The following TSEN2 variants were observed in gnomAD, a reference collection of about 807,000 sequenced individuals.
TSEN2 encodes tRNA-splicing endonuclease subunit Sen2.
In TSEN2, 54 loss-of-function variants were observed where a neutral mutation model predicts 59.2. That is an observed-to-expected ratio of 0.91 (90% CI 0.73 to 1.14). The LOEUF is 1.14. TSEN2 is among the 50% of genes most tolerant of loss of function. The probability of loss-of-function intolerance (pLI) is 0.00; values close to 1 mark genes in which losing one functional copy is unlikely to be tolerated. For synonymous variants in TSEN2, 195 were observed against 198.2 expected, an observed-to-expected ratio of 0.98 and a Z score of 0.14; for missense variants, 636 against 576.2, an observed-to-expected ratio of 1.10 and a Z score of -1.06.
chr3:12,522,363 A>ATGTACAATTAATACATTAAT (rs568324614), intron 8 of TSEN2, among the ~76,000 whole-genome samples: 189 of 152,318 alleles, frequency 1.2e-3, no homozygotes, highest in African/African-American at 3.2e-3. Context: ...CTAGAAACAG[A>ATGTACAATTAATACATTAAT]TGTACAATTA....
downstream of TSEN2, among the ~76,000 whole-genome samples, chr3:12,538,019 T>G (rs2057717770): frequency 6.6e-6 from 1 of 152,206 alleles, no homozygotes. Flanking sequence ...CATGGAATAC[T>G]AGTCATAGTT....
At chr3:12,538,477 A>C (rs1326048050), downstream of TSEN2, among the ~76,000 whole-genome samples, 1 of 151,746 alleles carries the variant, frequency 6.6e-6, no homozygotes, top group Non-Finnish European at 1.5e-5. Flanking sequence ...GGCTGATCTG[A>C]AGTTTCATTT....
rs976402980 is a variant in TSEN2 at position 12,503,717 on chromosome 3, A to T, written c.764A>T (p.His255Leu). The T allele has an allele frequency of 1.9e-6, 3 of 1,613,886 alleles. No homozygotes were observed. In the Admixed American group the frequency reaches 5.0e-5, roughly 27 times the overall value. The change falls in exon 5 of 12, where the codon CAT becomes CTT. Residue 255 changes from histidine to leucine, a missense_variant. His to Leu is a moderately conservative substitution (Grantham distance 99, BLOSUM62 -3). Transcript: ENST00000284995. ...CATCCTGGGGACAGAGGGCCTGACC[A>T]TGAGTACGTGCTGGTCGAGGAAGCG... ...LLHPGDRGPD[H>L]EYVLVEEAEC...
intron 2 of TSEN2, among the ~76,000 whole-genome samples, chr3:12,490,396 C>T (rs968076991): frequency 1.2e-4 from 19 of 152,202 alleles, no homozygotes; most frequent in African/African-American, 4.6e-4. Context: ...GCATAGTGTC[C>T]CTACTCAGGC....
chr3:12,490,738 C>G (rs1412966665), intron 2 of TSEN2, among the ~76,000 whole-genome samples: 1 of 151,842 alleles, frequency 6.6e-6, no homozygotes, highest in Non-Finnish European at 1.5e-5. Flanking sequence ...TTCCCTTGTG[C>G]CCATCACACT....
exon 11 of TSEN2, chr3:12,539,280 C>A: frequency 2.8e-6 from 1 of 357,696 alleles, no homozygotes; most frequent in Non-Finnish European, 5.3e-6. Context: ...ATTACAGGCA[C>A]GCACCACCAC....
At chr3:12,503,143 A>G in intron 4 of TSEN2, 119 bp from the exon 5 acceptor site, 2 of 1,065,274 alleles carry the variant, frequency 1.9e-6, no homozygotes, top group Non-Finnish European at 2.9e-6. Flanking sequence ...ATAATGCACC[A>G]TTCAATAATA....
intron 11 of TSEN2, 137 bp downstream of exon 11, chr3:12,531,796 C>A: frequency 1.5e-6 from 1 of 686,990 alleles, no homozygotes; most frequent in South Asian, 1.6e-5. Context: ...GCTCTTAAGT[C>A]TCTCACCTTT....
intron 6 of TSEN2, among the ~76,000 whole-genome samples, chr3:12,510,170 A>T (rs918827096): frequency 6.6e-6 from 1 of 152,182 alleles, no homozygotes; most frequent in Admixed American, 6.5e-5. Context: ...TCTAGACTGG[A>T]GGCAGTGTGG....
At chr3:12,506,270 C>G (rs1305198238) in intron 6 of TSEN2, among the ~76,000 whole-genome samples, 5 of 152,066 alleles carry the variant, frequency 3.3e-5, no homozygotes, top group Non-Finnish European at 5.9e-5. Flanking sequence ...TCTGCAGGAT[C>G]CCTCTACTTA....
intron 8 of TSEN2, among the ~76,000 whole-genome samples, chr3:12,522,617 A>G (rs1575430589): frequency 6.6e-6 from 1 of 152,364 alleles, no homozygotes; most frequent in Non-Finnish European, 1.5e-5. Context: ...ACCTAGTCAC[A>G]TGAAGCCTAG....
At chr3:12,489,578 G>A (rs973300856) in intron 1 of TSEN2, among the ~76,000 whole-genome samples, 11 of 152,022 alleles carry the variant, frequency 7.2e-5, no homozygotes, top group Non-Finnish European at 1.3e-4. Context: ...TTTATTGTGG[G>A]GATTAATTGC....
chr3:12,480,453 A>G (rs564290302), upstream of TSEN2, among the ~76,000 whole-genome samples: 91 of 150,790 alleles, frequency 6.0e-4, no homozygotes, highest in African/African-American at 2.1e-3. Context: ...CTGACCTCCA[A>G]CCGACACTTA....
intron 8 of TSEN2, among the ~76,000 whole-genome samples, chr3:12,527,150 C>T (rs141886605): frequency 6.6e-6 from 1 of 152,324 alleles, no homozygotes; most frequent in Non-Finnish European, 1.5e-5. Flanking sequence ...TGGATATTTA[C>T]TTACATTTGT....
chr3:12,523,266 C>G (rs1306957406), intron 8 of TSEN2, among the ~76,000 whole-genome samples: 3 of 152,148 alleles, frequency 2.0e-5, no homozygotes, highest in Admixed American at 6.5e-5. Flanking sequence ...CCAGCCAACC[C>G]TAGTTAGGGA....
chr3:12,531,647 G>A lies in TSEN2; in HGVS notation c.1326G>A (p.Arg442=). The change falls in exon 11 of 12, where the codon AGG becomes AGA. Residue 442 remains arginine, a synonymous_variant. Coordinates refer to ENST00000284995, the MANE Select transcript of TSEN2 (RefSeq NM_025265.4). ...KEMESPECMK[R]IKVQEVILSR... ...TGGAGTCACCAGAATGTATGAAAAG[G>A]ATTAAAGTTCAGGTGGGTAAACTCA... 1.2e-6 allele frequency: 2 copies of A among 1,608,764 alleles called. No homozygotes were observed. Among genetic ancestry groups the A allele is most frequent in the Non-Finnish European group, 1.7e-6 (2 of 1,175,104 alleles).
At chr3:12,516,446 A>ATGTGTGTG (rs68107346) in intron 6 of TSEN2, among the ~76,000 whole-genome samples, 165 bp from the exon 7 acceptor site, 1 of 126,470 alleles carries the variant, frequency 7.9e-6, no homozygotes, top group East Asian at 2.1e-4. Flanking sequence ...AACAAAATAT[A>ATGTGTGTG]TGTGTGTGTG....
At chr3:12,535,150 A>G (rs369449809), downstream of TSEN2, among the ~76,000 whole-genome samples, 1 of 152,158 alleles carries the variant, frequency 6.6e-6, no homozygotes, top group Non-Finnish European at 1.5e-5. Context: ...ACCCTTGTGG[A>G]GAATTACTTG....
At chr3:12,531,417 T>C (rs1346687039) in intron 10 of TSEN2, 153 bp from the exon 11 acceptor site, 4 of 620,752 alleles carry the variant, frequency 6.4e-6, no homozygotes, top group Admixed American at 5.5e-5. Flanking sequence ...ATCCCAGTTA[T>C]GGTTTCCCCA....
Sources: gnomAD v4.1 joint callset for allele counts (sites outside exome capture counted in the v4.1 genomes callset) on GRCh38, gnomAD v4.1.1 for gene constraint, MANE v1.5 for transcripts, NCBI Gene and HGNC (gene_info 2026-07-23, HGNC 2026-07-21) for gene names.